PIAS2: variants seen among roughly 807,000 people sequenced by gnomAD.
The protein encoded by PIAS2 is E3 SUMO-protein ligase PIAS2.
In PIAS2, 19 loss-of-function variants were observed where a neutral mutation model predicts 69.7. The ratio of observed to expected loss-of-function variants is 0.27; its 90% confidence interval spans 0.19 to 0.40. The LOEUF (loss-of-function observed/expected upper bound fraction) is 0.40, where lower values mean the gene tolerates loss of function less well. Ranked by LOEUF, PIAS2 falls within the 10% of genes least tolerant of loss-of-function variation. The pLI is 1.00. For synonymous variants in PIAS2, 261 were observed against 263.2 expected (o/e 0.99, Z 0.08); for missense variants, 624 against 757.0 (o/e 0.82, Z 2.06).
intron 11 of PIAS2, among the ~76,000 whole-genome samples, chr18:46,824,948 C>G (rs532839615): frequency 1.3e-5 from 2 of 151,184 alleles, no homozygotes; most frequent in African/African-American, 4.9e-5. Context: ...TGCAGTGAGC[C>G]GCGATCACAC....
intron 1 of PIAS2, among the ~76,000 whole-genome samples, chr18:46,909,324 T>C (rs2056997767): frequency 6.6e-6 from 1 of 152,142 alleles, no homozygotes; most frequent in African/African-American, 2.4e-5. Flanking sequence ...AATGGCATGA[T>C]CACAGCTCAC....
rs2041068987 is a variant in PIAS2 at position 46,812,486 on chromosome 18, C to T, written c.1813G>A (p.Gly605Arg). ...TTACTTCCACTGCTGGTTATGACCC[C>T]TGTCTCACTCCTGCTGCTGGATGAA... ...VSSSSSRSETGVITSSGSNIP... is the reference protein window; with the variant it reads ...VSSSSSRSETRVITSSGSNIP... The change falls in exon 14 of 14, where the codon GGG (glycine) becomes AGG (arginine). Residue 605 changes from glycine to arginine, a missense_variant. Coordinates refer to ENST00000585916, the MANE Select transcript of PIAS2 (RefSeq NM_004671.5). 1.2e-6 allele frequency: 2 copies of T among 1,613,034 alleles called. No individual in the cohort carries two copies. The highest frequency in any genetic ancestry group is 2.7e-5 in the African/African-American group (2 of 74,882).
intron 5 of PIAS2, chr18:46,852,922 T>C (rs1305373420): frequency 1.3e-5 from 2 of 152,172 alleles, no homozygotes; most frequent in Non-Finnish European, 2.9e-5. Context: ...AAGCCCTCCA[T>C]AGTCTTATCT....
At chr18:46,891,534 T>C in intron 1 of PIAS2, 1 of 215,738 alleles carries the variant, frequency 4.6e-6, no homozygotes, top group Non-Finnish European at 7.9e-6. Context: ...AAAAATCAAG[T>C]CAGAACTGTG....
At chr18:46,891,233 C>T in intron 1 of PIAS2, 179 bp from the exon 2 acceptor site, 3 of 691,006 alleles carry the variant, frequency 4.3e-6, no homozygotes, top group Non-Finnish European at 7.8e-6. Context: ...GTAAAAATTA[C>T]ATTCAAGTTA....
intron 1 of PIAS2, among the ~76,000 whole-genome samples, chr18:46,896,259 GAA>G (rs200089770): frequency 8.8e-5 from 11 of 124,542 alleles, no homozygotes; most frequent in Non-Finnish European, 1.7e-4. Flanking sequence ...TCTTATAAAT[GAA>G]AAAAAAAAAA....
chr18:46,822,261 T>C (rs370059551), intron 11 of PIAS2, among the ~76,000 whole-genome samples: 1 of 152,204 alleles, frequency 6.6e-6, no homozygotes, highest in Non-Finnish European at 1.5e-5. Flanking sequence ...GTACATACAT[T>C]GTTGAGTTGG....
intron 1 of PIAS2, among the ~76,000 whole-genome samples, chr18:46,899,320 G>A (rs919630706): frequency 3.3e-5 from 5 of 152,156 alleles, no homozygotes; most frequent in African/African-American, 1.2e-4. Context: ...TGAAGCAGGA[G>A]GAAAGCACTC....
intron 8 of PIAS2, among the ~76,000 whole-genome samples, chr18:46,840,332 G>A (rs1188602732): frequency 1.3e-5 from 2 of 152,002 alleles, no homozygotes; most frequent in African/African-American, 4.8e-5. Context: ...TCATCTATTG[G>A]GTAACCCACG....
At chr18:46,915,803 AAAG>A (rs1439586796) in intron 1 of PIAS2, among the ~76,000 whole-genome samples, 2 of 152,286 alleles carry the variant, frequency 1.3e-5, no homozygotes, top group African/African-American at 4.8e-5. Context: ...AAAAAAAAAA[AAAG>A]AACTTAGAAA....
Position 46,812,516 on chromosome 18 carries a change from C to A in PIAS2, c.1783G>T (p.Val595Phe). Residue 595 changes from valine (V) to phenylalanine (F), a missense_variant, in exon 14 of 14, where the codon GTT becomes TTT. By Grantham distance (50) the Val-to-Phe change is conservative. This residue lies in a region of PIAS2 where 241 missense variants were observed against 257.3 expected (regional missense o/e 0.94). Coordinates refer to ENST00000585916, the MANE Select transcript of PIAS2 (RefSeq NM_004671.5). Reference protein sequence around the residue: ...TTSSHESSTHVSSSSSRSETG... With the variant: ...TTSSHESSTHFSSSSSRSETG... ...TCACTCCTGCTGCTGGATGAACTAA[C>A]ATGAGTACTGCTTTCATGGGAGCTG... 1 of 1,613,072 alleles carries A rather than the reference C, an allele frequency of 6.2e-7. No individual in the cohort carries two copies. The highest frequency in any genetic ancestry group is 8.5e-7 in the Non-Finnish European group (1 of 1,179,120).
rs528036970 is a variant in PIAS2 at position 46,898,823 on chromosome 18, G to A, written c.25-7769C>T. 5.3e-5 allele frequency among the ~76,000 whole-genome samples: 8 copies of A among 151,930 alleles called. No homozygotes were observed. The South Asian group carries it at 6.3e-4, about 12-fold the overall frequency. On this transcript the variant is annotated intron_variant, in intron 1 of 13. Transcript: ENST00000585916. ...AGCATGGACGACACGGTGAAATCCCGTCTCTACTAAAAATACAAATATTAG... is the reference window on the plus strand; with the variant it reads ...AGCATGGACGACACGGTGAAATCCCATCTCTACTAAAAATACAAATATTAG...
intron 3 of PIAS2, among the ~76,000 whole-genome samples, chr18:46,863,845 G>A (rs2049025578): frequency 1.3e-5 from 2 of 152,136 alleles, no homozygotes; most frequent in South Asian, 4.1e-4. Flanking sequence ...TGGAGACAAG[G>A]CCTTTAAGGA....
rs1225969609 is a variant in PIAS2 at position 46,803,705 on chromosome 18, T to C, written c.*8728A>G. The stretch of plus-strand genomic sequence containing the variant: ...TGAGGATAAATTATGTTTACAATTA[T>C]ATTGTAGCACTCTGTGTAGTGTACC... On this transcript the variant is annotated 3_prime_UTR_variant, in exon 14 of 14. Coordinates refer to ENST00000585916, the MANE Select transcript of PIAS2 (RefSeq NM_004671.5). 6.6e-6 allele frequency: 1 copy of C among 152,228 alleles called. No individual in the cohort carries two copies. The highest frequency in any genetic ancestry group is 1.5e-5 in the Non-Finnish European group (1 of 68,040). The allele number at this position is 152,228 out of a possible 1,614,324, so 9.4% of individuals were successfully genotyped here.
At chr18:46,825,008 A>T (rs2510442) in intron 11 of PIAS2, among the ~76,000 whole-genome samples, 45 of 116,804 alleles carry the variant, frequency 3.9e-4, no homozygotes, top group Middle Eastern at 4.0e-3. Flanking sequence ...TCAAAAAATT[A>T]AAAAAAAAAA....
At chr18:46,855,474 G>A in intron 4 of PIAS2, 39 bp from the exon 5 acceptor site, 1 of 1,569,592 alleles carries the variant, frequency 6.4e-7, no homozygotes, top group Non-Finnish European at 8.8e-7. Context: ...TAAATAGTGT[G>A]CTCAAACATT....
At chr18:46,855,468 T>C (rs763785189) in intron 4 of PIAS2, 33 bp from the exon 5 acceptor site, 17 of 1,581,992 alleles carry the variant, frequency 1.1e-5, no homozygotes, top group Non-Finnish European at 1.2e-5. Flanking sequence ...TATTCTTAAA[T>C]AGTGTGCTCA....
In PIAS2 at chr18:46,806,353, CTTTTTTTTTTTTTTTTTT is replaced by C. The variant is rs869187746; in HGVS notation, c.*6062_*6079del. On this transcript the variant is annotated 3_prime_UTR_variant, in exon 14 of 14. Coordinates refer to ENST00000585916, the MANE Select transcript of PIAS2 (RefSeq NM_004671.5). ...AAAATTCTTTGCACAATGCCTGTTA[CTTTTTTTTTTTTTTTTTT>C]TTTTTTTTTTTGGTCTCACTCTGTC... is the stretch of plus-strand genomic sequence containing the variant. The C allele has an allele frequency of 3.3e-5, 2 of 60,208 alleles. No individual in the cohort carries two copies. The highest frequency in any genetic ancestry group is 2.4e-4 in the Admixed American group (1 of 4,180). The allele number at this position is 60,208 out of a possible 1,614,324, so 3.7% of individuals were successfully genotyped here.
At chr18:46,884,268 T>G (rs1219370658) in intron 2 of PIAS2, among the ~76,000 whole-genome samples, 3 of 152,066 alleles carry the variant, frequency 2.0e-5, no homozygotes, top group Non-Finnish European at 4.4e-5. Context: ...TACAGACAAA[T>G]TTTTAAAACA....
Sources: gnomAD v4.1 joint callset for allele counts (sites outside exome capture counted in the v4.1 genomes callset) on GRCh38, gnomAD v4.1.1 for gene constraint, gnomAD v4.1.1 regional missense constraint, MANE v1.5 for transcripts, NCBI Gene and HGNC (gene_info 2026-07-23, HGNC 2026-07-21) for gene names.